OSBPL11: variants seen among roughly 807,000 people sequenced by gnomAD.
OSBPL11 encodes the protein oxysterol-binding protein-related protein 11.
In OSBPL11, 33 loss-of-function variants were observed where a neutral mutation model predicts 84.4. That is an observed-to-expected ratio of 0.39 (90% CI 0.30 to 0.52). The LOEUF (loss-of-function observed/expected upper bound fraction) is 0.52. Among genes scored for constraint, OSBPL11 ranks in the 20% least tolerant of loss-of-function variants. The pLI is 0.72. For synonymous variants in OSBPL11, 276 were observed against 310.2 expected, an observed-to-expected ratio of 0.89 and a Z score of 1.16; for missense variants, 736 against 901.1, an observed-to-expected ratio of 0.82 and a Z score of 2.35.
In OSBPL11 at chr3:125,531,944, T is replaced by C. The variant is rs1935563671; in HGVS notation, c.2095A>G (p.Thr699Ala). 3 of 1,614,154 alleles carry C rather than the reference T, an allele frequency of 1.9e-6. No individual in the cohort carries two copies. The highest frequency in any genetic ancestry group is 1.1e-5 in the South Asian group (1 of 91,074). The change falls in exon 12 of 13, where the codon ACC becomes GCC. Residue 699 changes from threonine (T) to alanine (A), a missense_variant. Transcript: ENST00000296220. ...TCAGTCCTCTGACGTTCTTCCAGGG[T>C]ATGCTTATGCTCTGTGGCCTTATCA... ...EIDKATEHKHTLEERQRTEER... is the reference protein window; with the variant it reads ...EIDKATEHKHALEERQRTEER...
chr3:125,549,312 C>T (rs1935866814), intron 9 of OSBPL11, among the ~76,000 whole-genome samples: 1 of 152,224 alleles, frequency 6.6e-6, no homozygotes, highest in Non-Finnish European at 1.5e-5. Flanking sequence ...GCGTGAGTCA[C>T]CACGCCCAGC....
intron 10 of OSBPL11, among the ~76,000 whole-genome samples, chr3:125,544,572 C>T (rs564456477): frequency 6.6e-6 from 1 of 152,190 alleles, no homozygotes; most frequent in African/African-American, 2.4e-5. Flanking sequence ...AATTCTGGAT[C>T]CTTTATGACT....
intron 1 of OSBPL11, among the ~76,000 whole-genome samples, chr3:125,591,149 A>G (rs1936589579): frequency 6.6e-6 from 1 of 152,240 alleles, no homozygotes; most frequent in African/African-American, 2.4e-5. Context: ...ACACTTAAAC[A>G]TTCTGGCAAC....
chr3:125,547,312 C>A (rs1451365842), intron 10 of OSBPL11, 94 bp downstream of exon 10: 1 of 1,045,540 alleles, frequency 9.6e-7, no homozygotes, highest in South Asian at 1.8e-5. Context: ...ACAAATCCAA[C>A]TTCACATAGA....
chr3:125,562,952 A>G (rs1414845302), intron 7 of OSBPL11, among the ~76,000 whole-genome samples: 1 of 152,036 alleles, frequency 6.6e-6, no homozygotes, highest in Non-Finnish European at 1.5e-5. Flanking sequence ...AAAGTTGGAA[A>G]CAAGATAATA....
At chr3:125,546,585 A>G (rs572965379) in intron 10 of OSBPL11, among the ~76,000 whole-genome samples, 2 of 152,184 alleles carry the variant, frequency 1.3e-5, no homozygotes, top group South Asian at 4.1e-4. Context: ...ACCCATGACT[A>G]AAAAATCACA....
intron 5 of OSBPL11, 116 bp downstream of exon 5, chr3:125,576,073 A>C: frequency 1.1e-6 from 1 of 876,874 alleles, no homozygotes; most frequent in Non-Finnish European, 1.8e-6. Flanking sequence ...TCAGCATACT[A>C]GATAGGAAAC....
intron 1 of OSBPL11, among the ~76,000 whole-genome samples, chr3:125,585,411 T>C (rs1179479962): frequency 6.6e-6 from 1 of 152,052 alleles, no homozygotes; most frequent in Non-Finnish European, 1.5e-5. Flanking sequence ...GCTGGGATTA[T>C]AGGTATGAGC....
rs1935518824 is a variant in OSBPL11, at chr3:125,529,065, C to T, written c.*1450G>A. 1 of 152,548 alleles carries T rather than the reference C, an allele frequency of 6.6e-6. No individual in the cohort carries two copies. Among genetic ancestry groups the T allele is most frequent in the South Asian group, 2.1e-4 (1 of 4,832 alleles). The allele number at this position is 152,548 out of a possible 1,614,324, so 9.4% of individuals were successfully genotyped here. A position where few individuals can be genotyped will look rare whatever the true frequency, so the allele number is the denominator to read the frequency against. Reference sequence around the variant, plus strand: ...GTTTTCATCCTACTAACCTCTTTAACAGAACACAATTTATCAGAGCACAAA... The same window carrying T: ...GTTTTCATCCTACTAACCTCTTTAATAGAACACAATTTATCAGAGCACAAA... On this transcript the variant is annotated 3_prime_UTR_variant, in exon 13 of 13. Coordinates refer to ENST00000296220, the MANE Select transcript of OSBPL11 (RefSeq NM_022776.5).
intron 7 of OSBPL11, among the ~76,000 whole-genome samples, chr3:125,562,151 C>T (rs1313557184): frequency 6.6e-6 from 1 of 152,150 alleles, no homozygotes; most frequent in Non-Finnish European, 1.5e-5. Flanking sequence ...AATATGTCTT[C>T]TTCCTTTCTC....
At chr3:125,548,863 G>A (rs1481886190) in intron 9 of OSBPL11, among the ~76,000 whole-genome samples, 1 of 150,620 alleles carries the variant, frequency 6.6e-6, no homozygotes, top group Non-Finnish European at 1.5e-5. Context: ...CCTACACAAA[G>A]CAACATCAAC....
intron 10 of OSBPL11, among the ~76,000 whole-genome samples, chr3:125,546,337 T>A (rs1935815396): frequency 6.6e-6 from 1 of 151,820 alleles, no homozygotes; most frequent in Non-Finnish European, 1.5e-5. Context: ...TCGGCCAATT[T>A]TTCTTTTTTT....
At chr3:125,568,105 T>C (rs922853033) in intron 5 of OSBPL11, among the ~76,000 whole-genome samples, 2 of 151,906 alleles carry the variant, frequency 1.3e-5, no homozygotes, top group Non-Finnish European at 2.9e-5. Flanking sequence ...AAAAGATTGT[T>C]ATCTAAGGCA....
chr3:125,534,332 G>T (rs763148721), intron 11 of OSBPL11, among the ~76,000 whole-genome samples: 1 of 151,458 alleles, frequency 6.6e-6, no homozygotes, highest in Non-Finnish European at 1.5e-5. Flanking sequence ...GCAGTGAGCC[G>T]AGACTGCATC....
chr3:125,532,593 C>A (rs73191148), intron 11 of OSBPL11, among the ~76,000 whole-genome samples: 9,577 of 130,816 alleles, frequency 0.073, 382 homozygotes, highest in African/African-American at 0.14. Context: ...AAAAAAAAAA[C>A]AAAAAAAAAC....
intron 1 of OSBPL11, among the ~76,000 whole-genome samples, chr3:125,589,147 G>A (rs571663647): frequency 1.3e-5 from 2 of 152,104 alleles, no homozygotes; most frequent in African/African-American, 2.4e-5. Context: ...TCAGGAGTTC[G>A]AAATCAGCCT....
Position 125,576,232 on chromosome 3 carries a change from T to C in OSBPL11, c.623A>G (p.Lys208Arg), listed in dbSNP as rs1377077925. ...VGHSKLQSLS[K>R]RTNLPPDHLV... ...ATGGTCTGGAGGTAAATTAGTTCTT[T>C]TGCTCAGTGATTGCAGTTTGGAATG... The change falls in exon 5 of 13, where the codon AAA becomes AGA. Residue 208 changes from lysine to arginine, a missense_variant. Lys to Arg is a conservative substitution (Grantham distance 26, BLOSUM62 2). Transcript: ENST00000296220. The C allele has an allele frequency of 6.2e-7, 1 of 1,611,450 alleles. No individual in the cohort carries two copies. The highest frequency in any genetic ancestry group is 1.7e-5 in the Admixed American group (1 of 59,240).
intron 1 of OSBPL11, among the ~76,000 whole-genome samples, chr3:125,594,390 T>A (rs1335463076): frequency 6.6e-6 from 1 of 152,258 alleles, no homozygotes; most frequent in East Asian, 1.9e-4. Context: ...ATTAACTCTC[T>A]GACTGTAGAG....
intron 9 of OSBPL11, among the ~76,000 whole-genome samples, chr3:125,551,182 AAAATT>A (rs62940462): frequency 0.24 from 26,064 of 108,414 alleles, 3,925 homozygotes; most frequent in African/African-American, 0.47. Context: ...AAAAAAAAAA[AAAATT>A]AAATTAAATT....
Sources: gnomAD v4.1 joint callset for allele counts (sites outside exome capture counted in the v4.1 genomes callset) on GRCh38, gnomAD v4.1.1 for gene constraint, MANE v1.5 for transcripts, NCBI Gene and HGNC (gene_info 2026-07-23, HGNC 2026-07-21) for gene names.